The following BMAL1 variants were observed in gnomAD, a reference collection of about 807,000 sequenced individuals.
BMAL1 encodes basic helix-loop-helix ARNT-like protein 1.
the BMAL1 span, chr11:13,277,588 G>C: frequency 6.6e-6 from 1 of 151,978 alleles, no homozygotes; most frequent in African/African-American, 2.4e-5. Flanking sequence ...CCAGCGGGCT[G>C]CCGAGCCGCG....
the BMAL1 span, among the ~76,000 whole-genome samples, chr11:13,359,041 C>G: frequency 6.6e-6 from 1 of 152,204 alleles, no homozygotes; most frequent in East Asian, 1.9e-4. Flanking sequence ...GTTGTGGGTT[C>G]TCGCGACATT....
chr11:13,290,502 G>A, the BMAL1 span, among the ~76,000 whole-genome samples: 1 of 152,098 alleles, frequency 6.6e-6, no homozygotes, highest in Non-Finnish European at 1.5e-5. Context: ...ATACCTGGCT[G>A]CAAAGCCTGA....
the BMAL1 span, among the ~76,000 whole-genome samples, chr11:13,328,838 A>G: frequency 1.3e-5 from 2 of 152,212 alleles, no homozygotes; most frequent in African/African-American, 2.4e-5. Flanking sequence ...TTCCACTTCT[A>G]TCACTTATTA....
At chr11:13,379,198 A>T in the BMAL1 span, 2 of 152,252 alleles carry the variant, frequency 1.3e-5, no homozygotes, top group Admixed American at 6.5e-5. Flanking sequence ...CTTAAAAATT[A>T]ATTAAATCTG....
chr11:13,298,179 G>A, the BMAL1 span, among the ~76,000 whole-genome samples: 1 of 152,148 alleles, frequency 6.6e-6, no homozygotes, highest in Admixed American at 6.5e-5. Context: ...CTTATGCATT[G>A]CACAACTTGT....
chr11:13,358,714 T>C, the BMAL1 span: 1 of 1,081,474 alleles, frequency 9.2e-7, no homozygotes, highest in Non-Finnish European at 1.2e-6. Context: ...TTCAGTAGTA[T>C]GCCTTTACTC....
At chr11:13,354,214 A>ACCCCCC in the BMAL1 span, 12 of 872,236 alleles carry the variant, frequency 1.4e-5, no homozygotes, top group Non-Finnish European at 1.8e-5. Context: ...CCCACCACCA[A>ACCCCCC]ACCCCCAAGC....
At chr11:13,297,287 G>C in the BMAL1 span, among the ~76,000 whole-genome samples, 1 of 152,202 alleles carries the variant, frequency 6.6e-6, no homozygotes, top group African/African-American at 2.4e-5. Context: ...TTTGAGACAA[G>C]ACAAGCCTGG....
chr11:13,303,466 G>A, the BMAL1 span, among the ~76,000 whole-genome samples: 1 of 152,118 alleles, frequency 6.6e-6, no homozygotes, highest in Non-Finnish European at 1.5e-5. Flanking sequence ...TTTGAGGAGT[G>A]GTCAAAGAAG....
chr11:13,357,137 C>A, the BMAL1 span: 1 of 1,612,070 alleles, frequency 6.2e-7, no homozygotes. This position sits in a 1 kb window ranked among gnomAD's most constrained non-coding sequence, Gnocchi z 4.8. Flanking sequence ...CATCCTAGTT[C>A]TGGTTGCTTA....
chr11:13,332,904 A>C, the BMAL1 span, among the ~76,000 whole-genome samples: 1 of 151,590 alleles, frequency 6.6e-6, no homozygotes, highest in Non-Finnish European at 1.5e-5. Context: ...TGGAGTTGGC[A>C]GACTTGATCA....
At chr11:13,358,628 C>T in the BMAL1 span, 1 of 1,501,974 alleles carries the variant, frequency 6.7e-7, no homozygotes, top group Non-Finnish European at 8.9e-7. Flanking sequence ...TATGTCCTTG[C>T]CCACAAATGT....
At chr11:13,365,451 TTA>T in the BMAL1 span, 5 of 1,535,300 alleles carry the variant, frequency 3.3e-6, no homozygotes, top group Non-Finnish European at 4.5e-6. Context: ...TGATTACAAA[TTA>T]TGTTTCCTAC....
At chr11:13,327,893 T>TCCACCCAGGGATCCCAGTTAACAGTTTC in the BMAL1 span, among the ~76,000 whole-genome samples, 2 of 151,968 alleles carry the variant, frequency 1.3e-5, no homozygotes, top group Non-Finnish European at 2.9e-5. Context: ...TTCCCTGAAG[T>TCCACCCAGGGATCCCAGTTAACAGTTTC]TGATCTGGAA....
the BMAL1 span, among the ~76,000 whole-genome samples, chr11:13,366,026 A>G: frequency 2.8e-3 from 420 of 152,372 alleles, 3 homozygotes; most frequent in Admixed American, 0.025. Flanking sequence ...GATAACTTAT[A>G]GGATCAAATA....
chr11:13,360,781 T>G, the BMAL1 span, among the ~76,000 whole-genome samples: 1 of 152,320 alleles, frequency 6.6e-6, no homozygotes, highest in Admixed American at 6.5e-5. Context: ...TTCACCTGAT[T>G]TAACCACTAG....
chr11:13,300,289 C>G, the BMAL1 span, among the ~76,000 whole-genome samples: 1 of 152,186 alleles, frequency 6.6e-6, no homozygotes, highest in Non-Finnish European at 1.5e-5. Flanking sequence ...TAAGCCATCT[C>G]TGTGTATTAT....
At chr11:13,341,904 AAGG>A in the BMAL1 span, among the ~76,000 whole-genome samples, 3 of 152,222 alleles carry the variant, frequency 2.0e-5, no homozygotes, top group African/African-American at 7.2e-5. Context: ...GGGGCATGTC[AAGG>A]CCAAGGGTCA....
the BMAL1 span, among the ~76,000 whole-genome samples, chr11:13,383,297 CTT>C: frequency 4.6e-5 from 7 of 152,160 alleles, no homozygotes; most frequent in Admixed American, 1.3e-4. Flanking sequence ...CATCTGCAGT[CTT>C]TTTCCAGAAA....
Sources: gnomAD v4.1 joint callset for allele counts (sites outside exome capture counted in the v4.1 genomes callset) on GRCh38, gnomAD v4.1.1 for gene constraint, Gnocchi (gnomAD v3.1) non-coding constraint, MANE v1.5 for transcripts, NCBI Gene and HGNC (gene_info 2026-07-23, HGNC 2026-07-21) for gene names.